DPP8: variants seen among roughly 807,000 people sequenced by gnomAD.
The protein encoded by DPP8 is dipeptidyl peptidase 8, also known as DPP VIII.
Under a neutral mutation model 107.5 loss-of-function variants are expected in DPP8, and 31 were observed. The observed-to-expected ratio is 0.29, with a 90% CI of 0.22 to 0.39. The LOEUF (loss-of-function observed/expected upper bound fraction) is 0.39. Ranked by LOEUF, DPP8 falls within the 10% of genes least tolerant of loss-of-function variation. The pLI is 1.00. For synonymous variants in DPP8, 381 were observed against 356.6 expected, an observed-to-expected ratio of 1.07 and a Z score of -0.77; for missense variants, 842 against 1,076.1, an observed-to-expected ratio of 0.78 and a Z score of 3.04.
At position 65,490,288 on chromosome 15, in the gene DPP8, T is replaced by G; in HGVS notation, c.727A>C (p.Met243Leu). 6.2e-7 allele frequency: 1 copy of G among 1,610,342 alleles called. No homozygotes were observed. The highest frequency in any genetic ancestry group is 1.1e-5 in the South Asian group (1 of 91,010). Residue 243 changes from methionine to leucine, a missense_variant, in exon 6 of 20, where the codon ATG (methionine) becomes CTG (leucine). Physicochemically the swap from Met to Leu is conservative, Grantham distance 15 (BLOSUM62 2). Transcript: ENST00000300141. ...LTYVHNELAN[M>L]EEDARSAGVA... ...CCAGCTGATCTGGCATCTTCTTCCA[T>G]GTTGGCTAGCTCTAGACAAATATAA...
At position 65,509,939 on chromosome 15, in the gene DPP8, T is replaced by C. The variant is rs527628691; in HGVS notation, c.259+2356A>G. On this transcript the variant is annotated intron_variant, in intron 2 of 19. Transcript: ENST00000300141. The stretch of plus-strand genomic sequence containing the variant: ...GGGAGGCTGAGATGGGAGGATGGCT[T>C]AAGCCTGGGAGGTGGAGGTTGCAGT... 3.9e-5 allele frequency among the ~76,000 whole-genome samples: 6 copies of C among 152,214 alleles called. No homozygotes were observed. In the East Asian group the frequency reaches 1.2e-3, roughly 29 times the overall value.
intron 12 of DPP8, among the ~76,000 whole-genome samples, chr15:65,468,751 T>C (rs1047844456): frequency 6.6e-6 from 1 of 152,124 alleles, no homozygotes; most frequent in African/African-American, 2.4e-5. Context: ...TTGCAAAAGA[T>C]CAGGACTCAT....
chr15:65,488,535 G>GAGGC (rs2067660105), intron 6 of DPP8, among the ~76,000 whole-genome samples: 2 of 147,712 alleles, frequency 1.4e-5, no homozygotes, highest in South Asian at 4.3e-4. Flanking sequence ...TTGAGCCCGG[G>GAGGC]AGGCAGACTT....
intron 14 of DPP8, 85 bp from the exon 15 acceptor site, chr15:65,463,991 G>C (rs967857434): frequency 1.9e-6 from 2 of 1,076,500 alleles, no homozygotes; most frequent in Non-Finnish European, 2.6e-6. Context: ...GATATTAAAA[G>C]TCAGCCCCGC....
chr15:65,505,824 C>T (rs2069896115), intron 3 of DPP8, among the ~76,000 whole-genome samples: 1 of 152,002 alleles, frequency 6.6e-6, no homozygotes, highest in Non-Finnish European at 1.5e-5. Flanking sequence ...GTGGTGTGCA[C>T]CTGTAATCCC....
intron 12 of DPP8, among the ~76,000 whole-genome samples, chr15:65,470,617 A>AG (rs1326895951): frequency 2.6e-5 from 4 of 151,104 alleles, no homozygotes; most frequent in African/African-American, 9.8e-5. Context: ...AAAAAAAAAA[A>AG]AAAAAAGAAT....
chr15:65,491,613 CAT>C (rs758300082), intron 5 of DPP8, among the ~76,000 whole-genome samples: 11 of 152,214 alleles, frequency 7.2e-5, no homozygotes, highest in Non-Finnish European at 1.5e-4. Flanking sequence ...AATATTGTTA[CAT>C]GTGTCAGTAG....
chr15:65,499,840 A>C (rs752082322), intron 4 of DPP8, among the ~76,000 whole-genome samples: 3 of 152,204 alleles, frequency 2.0e-5, no homozygotes, highest in Non-Finnish European at 4.4e-5. Flanking sequence ...TGCTGGAATT[A>C]TGGGTGTGAG....
chr15:65,448,892 A>G (rs1351266881), intron 19 of DPP8, among the ~76,000 whole-genome samples: 6,661 of 74,048 alleles, frequency 0.09, 1,326 homozygotes, highest in African/African-American at 0.28. Context: ...ATATATATAT[A>G]TATATATATA....
Position 65,508,999 on chromosome 15 carries a change from C to T in DPP8, c.260-1644G>A, listed in dbSNP as rs2070422299. 2.6e-5 allele frequency among the ~76,000 whole-genome samples: 4 copies of T among 152,230 alleles called. No individual in the cohort carries two copies. The South Asian group carries it at 8.3e-4, about 32-fold the overall frequency. ...TATTAATGCCAGCAGAAGGTAGCCT[C>T]GGGAAAGGTATTTATGATAACTCCC... On this transcript the variant is annotated intron_variant, in intron 2 of 19. Coordinates refer to ENST00000300141, the MANE Select transcript of DPP8 (RefSeq NM_130434.5).
At chr15:65,467,378 CTTAT>C (rs1595910700) in intron 12 of DPP8, among the ~76,000 whole-genome samples, 155 bp from the exon 13 acceptor site, 1 of 151,934 alleles carries the variant, frequency 6.6e-6, no homozygotes, top group African/African-American at 2.4e-5. Context: ...GTTAATTTTG[CTTAT>C]TTATTTATTT....
At chr15:65,513,749 T>G (rs1233352346) in intron 1 of DPP8, among the ~76,000 whole-genome samples, 1 of 152,226 alleles carries the variant, frequency 6.6e-6, no homozygotes, top group Non-Finnish European at 1.5e-5. Flanking sequence ...CTAATGTTTA[T>G]TCTCATTTCA....
chr15:65,457,111 T>G (rs539870019), intron 15 of DPP8, among the ~76,000 whole-genome samples: 2 of 152,284 alleles, frequency 1.3e-5, no homozygotes, highest in East Asian at 3.9e-4. Flanking sequence ...TCCCAGCACT[T>G]TGGGAGGCTG....
intron 9 of DPP8, 128 bp downstream of exon 9, chr15:65,481,387 A>G (rs1024849517): frequency 4.0e-5 from 27 of 668,160 alleles, no homozygotes; most frequent in Non-Finnish European, 7.1e-5. Flanking sequence ...TGCCTTGTGT[A>G]GTAATAACTG....
rs1595861403 is a variant in DPP8, at chr15:65,454,528, T to A, written c.2119-113A>T. 28 of 944,616 alleles carry A rather than the reference T, an allele frequency of 3.0e-5. 1 individual carries two copies. In the East Asian group the frequency reaches 8.7e-4, roughly 30 times the overall value. The allele number at this position is 944,616 out of a possible 1,614,324, so 58.5% of individuals were successfully genotyped here. A position where few individuals can be genotyped will look rare whatever the true frequency, so the allele number is the denominator to read the frequency against. On this transcript the variant is annotated intron_variant, in intron 16 of 19. Coordinates refer to ENST00000300141, the MANE Select transcript of DPP8 (RefSeq NM_130434.5). ...AAATACCTGTAGGTGTTTTAATTTT[T>A]ATTTTATTTATTTTTTGAGATGGAG...
intron 8 of DPP8, 149 bp from the exon 9 acceptor site, chr15:65,481,764 A>G (rs1259082949): frequency 2.0e-6 from 1 of 505,662 alleles, no homozygotes; most frequent in African/African-American, 2.0e-5. Context: ...CAAATCTAGA[A>G]GTAAATTCTG....
intron 5 of DPP8, among the ~76,000 whole-genome samples, chr15:65,494,646 G>GAAAAAAAAA (rs5813355): frequency 1.7e-5 from 2 of 114,350 alleles, no homozygotes; most frequent in African/African-American, 3.4e-5. Context: ...CAAAAAAATT[G>GAAAAAAAAA]AAAAAAAAAA....
intron 1 of DPP8, chr15:65,515,818 T>TA (rs1367210868): frequency 5.6e-6 from 5 of 886,778 alleles, no homozygotes; most frequent in African/African-American, 3.4e-5. Context: ...TGAAATAAGA[T>TA]AAGACTTTGA....
intron 15 of DPP8, 60 bp downstream of exon 15, chr15:65,463,701 A>G: frequency 6.9e-7 from 1 of 1,451,594 alleles, no homozygotes; most frequent in Non-Finnish European, 9.5e-7. Context: ...TTTAAAAAAC[A>G]AAAGATCTAA....
Sources: allele counts gnomAD v4.1 joint callset (sites outside exome capture counted in the v4.1 genomes callset), GRCh38; gene constraint gnomAD v4.1.1; transcripts MANE v1.5; gene names NCBI Gene and HGNC (gene_info 2026-07-23, HGNC 2026-07-21).